Variants in DOK6 observed in about 807,000 individuals in gnomAD.
DOK6 encodes docking protein 6.
In DOK6, 22 loss-of-function variants were observed where a neutral mutation model predicts 44.0. The observed-to-expected ratio is 0.50, with a 90% CI of 0.36 to 0.71. DOK6 has a LOEUF of 0.71. Ranked by LOEUF, DOK6 falls within the 30% of genes least tolerant of loss-of-function variation. The probability of loss-of-function intolerance (pLI) is 0.00; values close to 1 mark genes in which losing one functional copy is unlikely to be tolerated. For missense variants in DOK6, 340 were observed against 416.4 expected, an observed-to-expected ratio of 0.82 and a Z score of 1.60; for synonymous variants, 166 against 145.5, an observed-to-expected ratio of 1.14 and a Z score of -1.01.
At chr18:69,467,837 TTATTATTATTGTTGTGA>T (rs1365535884) in intron 1 of DOK6, among the ~76,000 whole-genome samples, 1 of 152,230 alleles carries the variant, frequency 6.6e-6, no homozygotes, top group African/African-American at 2.4e-5. Context: ...CTATTTACAA[TTATTATTATTGTTGTGA>T]TATCTGTATT....
At chr18:69,612,926 G>A (rs1236937441) in intron 3 of DOK6, among the ~76,000 whole-genome samples, 1 of 150,082 alleles carries the variant, frequency 6.7e-6, no homozygotes, top group South Asian at 2.1e-4. Context: ...CTGTTGCCCA[G>A]GCTTAAGTGC....
chr18:69,514,319 T>C (rs953953060), intron 1 of DOK6, among the ~76,000 whole-genome samples: 1 of 152,130 alleles, frequency 6.6e-6, no homozygotes, highest in Non-Finnish European at 1.5e-5. Context: ...TAAGAACACT[T>C]TTCTCCTTTG....
chr18:69,410,029 C>T (rs1179994493), intron 1 of DOK6, among the ~76,000 whole-genome samples: 1 of 152,134 alleles, frequency 6.6e-6, no homozygotes, highest in African/African-American at 2.4e-5. Flanking sequence ...TATAAGTCTC[C>T]TAAACCAAAG....
At chr18:69,760,027 A>G (rs1235775485) in intron 7 of DOK6, among the ~76,000 whole-genome samples, 1 of 152,204 alleles carries the variant, frequency 6.6e-6, no homozygotes, top group Non-Finnish European at 1.5e-5. Flanking sequence ...TAGATATAAA[A>G]ATTTAAGTAT....
At chr18:69,402,753 T>C (rs1164029370) in intron 1 of DOK6, among the ~76,000 whole-genome samples, 1 of 152,190 alleles carries the variant, frequency 6.6e-6, no homozygotes, top group Non-Finnish European at 1.5e-5. Flanking sequence ...GGAGCCAACG[T>C]GCGCTGCCGT....
chr18:69,401,329 T>C lies in DOK6; in HGVS notation c.66+19T>C. 1 of 1,506,794 alleles carries C rather than the reference T, an allele frequency of 6.6e-7. No individual in the cohort carries two copies. Among genetic ancestry groups the C allele is most frequent in the Non-Finnish European group, 8.9e-7 (1 of 1,126,142 alleles). The allele number at this position is 1,506,794 out of a possible 1,614,324, so 93.3% of individuals were successfully genotyped here. A position where few individuals can be genotyped will look rare whatever the true frequency, so the allele number is the denominator to read the frequency against. ...GCTTGGGGTGAGTGGCTCGCTCGGC[T>C]TGCTCCTTCCCCGGCGCTCGTTCGG... On this transcript the variant is annotated intron_variant, in intron 1 of 7. Coordinates refer to ENST00000382713, the MANE Select transcript of DOK6 (RefSeq NM_152721.6).
chr18:69,635,979 T>C (rs1180258728), intron 3 of DOK6, among the ~76,000 whole-genome samples: 1 of 152,208 alleles, frequency 6.6e-6, no homozygotes, highest in Non-Finnish European at 1.5e-5. Flanking sequence ...TTTCTGTCCC[T>C]GGAAGTCTGT....
At chr18:69,434,290 C>T (rs1208793577) in intron 1 of DOK6, among the ~76,000 whole-genome samples, 2 of 152,184 alleles carry the variant, frequency 1.3e-5, no homozygotes, top group Non-Finnish European at 2.9e-5. Context: ...ACATGTTCTC[C>T]ATGTGATCTT....
intron 7 of DOK6, among the ~76,000 whole-genome samples, chr18:69,832,082 T>C (rs1307609330): frequency 6.6e-6 from 1 of 152,166 alleles, no homozygotes; most frequent in Non-Finnish European, 1.5e-5. Context: ...ATAAAAGTGG[T>C]AAAAGTGGGC....
intron 3 of DOK6, among the ~76,000 whole-genome samples, chr18:69,623,038 G>A (rs968932748): frequency 6.6e-6 from 1 of 152,170 alleles, no homozygotes; most frequent in Non-Finnish European, 1.5e-5. Context: ...GGCCTGGTGG[G>A]ACGTGATTGA....
chr18:69,462,289 T>C (rs1177751654), intron 1 of DOK6, among the ~76,000 whole-genome samples: 1 of 152,202 alleles, frequency 6.6e-6, no homozygotes, highest in East Asian at 1.9e-4. Flanking sequence ...GCCTGTCAGA[T>C]GGAAGCTATT....
intron 5 of DOK6, among the ~76,000 whole-genome samples, chr18:69,707,018 A>G (rs2144711509): frequency 6.6e-6 from 1 of 152,298 alleles, no homozygotes; most frequent in South Asian, 2.1e-4. Context: ...TCTTTATAGC[A>G]GCATGATTTA....
intron 7 of DOK6, among the ~76,000 whole-genome samples, chr18:69,765,062 A>G (rs1401609553): frequency 3.3e-5 from 5 of 152,228 alleles, no homozygotes; most frequent in Non-Finnish European, 7.3e-5. Flanking sequence ...AGAAAATGGT[A>G]AATAGAGTTC....
At chr18:69,640,707 C>T (rs1040565031) in intron 3 of DOK6, among the ~76,000 whole-genome samples, 3 of 152,088 alleles carry the variant, frequency 2.0e-5, no homozygotes, top group Non-Finnish European at 4.4e-5. Flanking sequence ...TTAGTATGAC[C>T]AGCAAGACAT....
chr18:69,579,186 G>A (rs1459849781), intron 2 of DOK6, among the ~76,000 whole-genome samples: 3 of 152,048 alleles, frequency 2.0e-5, no homozygotes, highest in Non-Finnish European at 4.4e-5. Flanking sequence ...CTGAAGAAAT[G>A]GTTCAATTTC....
intron 1 of DOK6, among the ~76,000 whole-genome samples, chr18:69,486,337 G>A (rs929197200): frequency 4.2e-4 from 64 of 152,176 alleles, no homozygotes; most frequent in East Asian, 3.9e-4. Flanking sequence ...TTTAGAAAAC[G>A]TTAGGAGAAA....
chr18:69,531,296 A>G (rs1233914421), intron 1 of DOK6, among the ~76,000 whole-genome samples: 5 of 147,920 alleles, frequency 3.4e-5, no homozygotes, highest in African/African-American at 1.2e-4. Flanking sequence ...TATATATTAT[A>G]TATATTTTAA....
At chr18:69,628,020 A>T (rs536327961) in intron 3 of DOK6, among the ~76,000 whole-genome samples, 34 of 152,308 alleles carry the variant, frequency 2.2e-4, no homozygotes, top group African/African-American at 6.3e-4. Flanking sequence ...TAATGTACAA[A>T]ACAATGTTCC....
At chr18:69,702,951 A>G (rs1485721105) in intron 5 of DOK6, among the ~76,000 whole-genome samples, 1 of 152,206 alleles carries the variant, frequency 6.6e-6, no homozygotes, top group Non-Finnish European at 1.5e-5. Context: ...ATAAAAATGT[A>G]TTGAACTTTA....
Sources: allele counts gnomAD v4.1 joint callset (sites outside exome capture counted in the v4.1 genomes callset), GRCh38; gene constraint gnomAD v4.1.1; transcripts MANE v1.5; gene names NCBI Gene and HGNC (gene_info 2026-07-23, HGNC 2026-07-21).